CHL1: variants seen among roughly 807,000 people sequenced by gnomAD.
CHL1 encodes the protein cell adhesion molecule L1 like.
CHL1 carries 96 observed loss-of-function variants against 141.9 expected under a neutral mutation model. That is an observed-to-expected ratio of 0.68 (90% CI 0.57 to 0.80). CHL1 has a LOEUF of 0.80. Ranked by LOEUF, CHL1 falls within the 30% of genes least tolerant of loss-of-function variation. The pLI is 0.00. For synonymous variants in CHL1, 613 were observed against 502.2 expected, an observed-to-expected ratio of 1.22 and a Z score of -2.95; for missense variants, 1,820 against 1,457.2, an observed-to-expected ratio of 1.25 and a Z score of -4.05.
At position 212,557 on chromosome 3, in the gene CHL1, C is replaced by T. The variant is rs545073787; in HGVS notation, c.-175+15494C>T. 2.8e-4 allele frequency among the ~76,000 whole-genome samples: 43 copies of T among 152,296 alleles called. 1 individual carries two copies. The highest frequency in any genetic ancestry group is 6.8e-3 in the Middle Eastern group (2 of 294). On this transcript the variant is annotated intron_variant, in intron 1 of 27. Coordinates refer to ENST00000256509, the MANE Select transcript of CHL1 (RefSeq NM_006614.4). ...TTCTCCACTAAGATCTACATGTCAC[C>T]GCTAAAATCCCCTTTCTTGCTTGTC... is the stretch of plus-strand genomic sequence containing the variant.
chr3:352,741 A>G (rs2125216690), intron 10 of CHL1, among the ~76,000 whole-genome samples: 1 of 152,308 alleles, frequency 6.6e-6, no homozygotes, highest in South Asian at 2.1e-4. Context: ...ATTTTCAAGC[A>G]ATTATAAAGA....
intron 19 of CHL1, among the ~76,000 whole-genome samples, chr3:389,046 GA>G (rs11322571): frequency 0.88 from 134,083 of 152,232 alleles, 60,370 homozygotes; most frequent in East Asian, 1. Flanking sequence ...GTTACTTGGG[GA>G]GTTAAGGGAT....
Position 405,412 on chromosome 3 carries a change from C to G in CHL1, c.3459-83C>G, listed in dbSNP as rs913546873. On this transcript the variant is annotated intron_variant, in intron 27 of 27. Transcript: ENST00000256509. ...ACAAATGTCCTGAAAATTATAAAAT[C>G]TTTTATCACTTATGACTGTGTTGCT... The G allele has an allele frequency of 4.4e-6, 4 of 905,066 alleles. No homozygotes were observed. In the Admixed American group the frequency reaches 7.1e-5, roughly 16 times the overall value. The allele number at this position is 905,066 out of a possible 1,614,324, so 56.1% of individuals were successfully genotyped here.
chr3:282,213 C>G (rs1422860124), intron 2 of CHL1, among the ~76,000 whole-genome samples: 1 of 152,078 alleles, frequency 6.6e-6, no homozygotes, highest in Admixed American at 6.6e-5. Flanking sequence ...TAATCTAGAT[C>G]AGATAAAAAT....
At chr3:251,777 T>C (rs1693710758) in intron 2 of CHL1, among the ~76,000 whole-genome samples, 1 of 152,156 alleles carries the variant, frequency 6.6e-6, no homozygotes, top group Non-Finnish European at 1.5e-5. Flanking sequence ...ATTTCTTTAA[T>C]CCACACTTAG....
chr3:332,100 A>G (rs761676544), intron 5 of CHL1, among the ~76,000 whole-genome samples: 1 of 152,216 alleles, frequency 6.6e-6, no homozygotes, highest in Non-Finnish European at 1.5e-5. Flanking sequence ...CCTCTTGTCC[A>G]TACATACCAG....
Position 391,692 on chromosome 3 carries a change from T to C in CHL1, c.2809T>C (p.Phe937Leu). ...TTTTCTAGTACCTGAACAGCCAACT[T>C]TTCTAAAGGTCATCAAAGTTGATAA... The part of the protein sequence containing the change: ...TPEGVPEQPT[F>L]LKVIKVDKDT... The change falls in exon 23 of 28, where the codon TTT (phenylalanine) becomes CTT (leucine). Residue 937 changes from phenylalanine (F) to leucine (L), a missense_variant. Transcript: ENST00000256509. 2.5e-6 allele frequency: 4 copies of C among 1,605,806 alleles called. No homozygotes were observed. The highest frequency in any genetic ancestry group is 3.4e-6 in the Non-Finnish European group (4 of 1,176,232).
At chr3:254,953 A>G (rs1290627098) in intron 2 of CHL1, among the ~76,000 whole-genome samples, 1 of 152,146 alleles carries the variant, frequency 6.6e-6, no homozygotes, top group Non-Finnish European at 1.5e-5. Flanking sequence ...ACCATCATGC[A>G]AAGAAGCCAA....
chr3:208,154 A>T (rs992722175), intron 1 of CHL1, among the ~76,000 whole-genome samples: 1 of 152,188 alleles, frequency 6.6e-6, no homozygotes, highest in Non-Finnish European at 1.5e-5. Flanking sequence ...GGAAAGAAAC[A>T]TTGACTGCTG....
intron 26 of CHL1, among the ~76,000 whole-genome samples, chr3:400,208 T>C (rs150246082): frequency 2.7e-4 from 41 of 152,362 alleles, no homozygotes; most frequent in African/African-American, 7.9e-4. Flanking sequence ...CAAATATTTA[T>C]TGGGAACCCG....
rs1049131592 is a variant in CHL1, at chr3:221,924, A to G, written c.-174-22689A>G. ...TTTAAGACATAAGTTTGATTTTATG[A>G]CTTAGGTTTCTGTAAGAAGCAGCAT... On this transcript the variant is annotated intron_variant, in intron 1 of 27. Coordinates refer to ENST00000256509, the MANE Select transcript of CHL1 (RefSeq NM_006614.4). Among the ~76,000 whole-genome samples, 3 of 152,190 alleles carry G rather than the reference A, an allele frequency of 2.0e-5. No individual in the cohort carries two copies. In the East Asian group the frequency reaches 5.8e-4, roughly 29 times the overall value.
rs187026469 is a variant in CHL1 at position 389,841 on chromosome 3, A to G, written c.2470+367A>G. Among the ~76,000 whole-genome samples the G allele has an allele frequency of 5.3e-5, 8 of 152,334 alleles. No homozygotes were observed. In the East Asian group the frequency reaches 1.3e-3, roughly 26 times the overall value. ...ACTTGTCAAGGATCCCCTAAGAGCC[A>G]CTTGCTCTCATGCCCTGGGCTTCAG... On this transcript the variant is annotated intron_variant, in intron 20 of 27. Coordinates refer to ENST00000256509, the MANE Select transcript of CHL1 (RefSeq NM_006614.4).
At chr3:402,371 T>G (rs986055609) in intron 27 of CHL1, among the ~76,000 whole-genome samples, 8 of 152,166 alleles carry the variant, frequency 5.3e-5, no homozygotes, top group Non-Finnish European at 1.2e-4. Context: ...GTAGGAATCT[T>G]TCGGGGACGT....
At chr3:358,766 A>G (rs1297464625) in intron 11 of CHL1, among the ~76,000 whole-genome samples, 1 of 151,882 alleles carries the variant, frequency 6.6e-6, no homozygotes, top group Non-Finnish European at 1.5e-5. Context: ...TTTTATTTCA[A>G]TATGTAGTAT....
chr3:393,551 T>C (rs1378212665), intron 23 of CHL1, among the ~76,000 whole-genome samples: 1 of 152,154 alleles, frequency 6.6e-6, no homozygotes, highest in Admixed American at 6.5e-5. Flanking sequence ...CTGCTTGATA[T>C]GTGTATTTTA....
At chr3:198,355 G>A (rs1008355849) in intron 1 of CHL1, among the ~76,000 whole-genome samples, 10 of 151,896 alleles carry the variant, frequency 6.6e-5, no homozygotes, top group African/African-American at 2.2e-4. Flanking sequence ...GCGAGGGCGC[G>A]CTCCCGCGGG....
At chr3:293,632 C>T (rs1034892868) in intron 2 of CHL1, among the ~76,000 whole-genome samples, 2 of 152,150 alleles carry the variant, frequency 1.3e-5, no homozygotes, top group Non-Finnish European at 2.9e-5. Context: ...CAGCGTCATA[C>T]GTTCTAATGT....
chr3:356,224 T>G (rs1192245079), intron 11 of CHL1, among the ~76,000 whole-genome samples: 4 of 152,198 alleles, frequency 2.6e-5, no homozygotes, highest in Non-Finnish European at 5.9e-5. Context: ...AACTTTTGTT[T>G]ATAATGAATG....
chr3:251,350 G>A (rs545728050), intron 2 of CHL1, among the ~76,000 whole-genome samples: 1 of 152,204 alleles, frequency 6.6e-6, no homozygotes, highest in Admixed American at 6.5e-5. Flanking sequence ...ATGAGTTCCA[G>A]CTTTAACTCA....
Sources: allele counts gnomAD v4.1 joint callset (sites outside exome capture counted in the v4.1 genomes callset), GRCh38; gene constraint gnomAD v4.1.1; transcripts MANE v1.5; gene names NCBI Gene and HGNC (gene_info 2026-07-23, HGNC 2026-07-21).